EPB41L4A: variants seen among roughly 807,000 people sequenced by gnomAD.
EPB41L4A encodes band 4.1-like protein 4A.
In EPB41L4A, 100 loss-of-function variants were observed where a neutral mutation model predicts 108.6. That is an observed-to-expected ratio of 0.92 (90% CI 0.78 to 1.09). The LOEUF is 1.09. EPB41L4A is among the 50% of genes least tolerant of loss of function. The pLI is 0.00. For missense variants in EPB41L4A, 1,030 were observed against 842.7 expected (o/e 1.22, Z -2.75); for synonymous variants, 319 against 289.0 (o/e 1.10, Z -1.05).
chr5:112,398,993 C>A (rs1761562375), intron 1 of EPB41L4A, among the ~76,000 whole-genome samples: 1 of 151,554 alleles, frequency 6.6e-6, no homozygotes, highest in African/African-American at 2.4e-5. Flanking sequence ...GAGAAGTTAG[C>A]CCCATGTTAA....
chr5:112,156,447 G>C (rs185111550), intron 12 of EPB41L4A, among the ~76,000 whole-genome samples: 2 of 152,050 alleles, frequency 1.3e-5, no homozygotes, highest in Non-Finnish European at 2.9e-5. Flanking sequence ...GAAGATTAAC[G>C]TTCCAGCTGA....
intron 1 of EPB41L4A, among the ~76,000 whole-genome samples, chr5:112,384,700 G>A (rs2112626816): frequency 6.6e-6 from 1 of 150,946 alleles, no homozygotes; most frequent in African/African-American, 2.4e-5. Flanking sequence ...AGGAAGGAAG[G>A]AAGGAAGGGA....
Position 112,378,191 on chromosome 5 carries a change from C to T in EPB41L4A, c.99+40750G>A, listed in dbSNP as rs990476559. On this transcript the variant is annotated intron_variant, in intron 1 of 22. Coordinates refer to ENST00000261486, the MANE Select transcript of EPB41L4A (RefSeq NM_022140.5). ...AAAATTCACAATCTATCCTGATACTCCTGGTATTTCCCAGCCTCTGTCAGG... is the reference window on the plus strand; with the variant it reads ...AAAATTCACAATCTATCCTGATACTTCTGGTATTTCCCAGCCTCTGTCAGG... Among the ~76,000 whole-genome samples, 4 of 151,404 alleles carry T rather than the reference C, an allele frequency of 2.6e-5. No homozygotes were observed. The East Asian group carries it at 5.8e-4, about 22-fold the overall frequency.
chr5:112,390,332 C>T (rs1188712806), intron 1 of EPB41L4A, among the ~76,000 whole-genome samples: 1 of 152,214 alleles, frequency 6.6e-6, no homozygotes, highest in Non-Finnish European at 1.5e-5. Context: ...AAAATGAGGA[C>T]ACTGCCACCC....
chr5:112,354,340 A>T (rs1327577513), intron 1 of EPB41L4A, among the ~76,000 whole-genome samples: 1 of 152,216 alleles, frequency 6.6e-6, no homozygotes, highest in Non-Finnish European at 1.5e-5. Flanking sequence ...AGAAGTCAAA[A>T]ATTAACAAAG....
intron 1 of EPB41L4A, among the ~76,000 whole-genome samples, chr5:112,326,469 TA>T (rs35211420): frequency 0.11 from 16,517 of 152,150 alleles, 1,231 homozygotes; most frequent in East Asian, 0.36. Flanking sequence ...ATAATTTTAG[TA>T]AAAAACACTT....
chr5:112,274,502 G>C (rs1752486560), intron 4 of EPB41L4A, among the ~76,000 whole-genome samples: 1 of 152,088 alleles, frequency 6.6e-6, no homozygotes, highest in Admixed American at 6.6e-5. Context: ...GAAAGTCTGA[G>C]ACAGATGAAA....
chr5:112,196,943 C>T (rs964249690), intron 15 of EPB41L4A: 18 of 152,172 alleles, frequency 1.2e-4, no homozygotes, highest in African/African-American at 4.3e-4. Context: ...AAAAAGCAGC[C>T]TCCAGATGTA....
intron 1 of EPB41L4A, among the ~76,000 whole-genome samples, chr5:112,365,888 T>C (rs1174867169): frequency 6.6e-6 from 1 of 152,198 alleles, no homozygotes; most frequent in African/African-American, 2.4e-5. Context: ...AACATCGGAT[T>C]TCAAAATGAT....
chr5:112,312,385 T>C (rs1473777169), intron 1 of EPB41L4A, among the ~76,000 whole-genome samples: 1 of 152,222 alleles, frequency 6.6e-6, no homozygotes, highest in Admixed American at 6.5e-5. Flanking sequence ...GCATCTTTTG[T>C]TACCCTCTAC....
chr5:112,336,942 T>C (rs945273398), intron 1 of EPB41L4A, among the ~76,000 whole-genome samples: 8 of 152,198 alleles, frequency 5.3e-5, no homozygotes, highest in East Asian at 3.8e-4. Flanking sequence ...TTCATATACC[T>C]TGCTCATAAG....
chr5:112,247,605 T>C (rs1034807188), intron 9 of EPB41L4A, among the ~76,000 whole-genome samples: 3 of 152,140 alleles, frequency 2.0e-5, no homozygotes, highest in African/African-American at 7.2e-5. Context: ...AATAAAAATA[T>C]CAAAACTTAT....
At position 112,261,503 on chromosome 5, in the gene EPB41L4A, C is replaced by G. The variant is rs1032713770; in HGVS notation, c.642+991G>C. On this transcript the variant is annotated intron_variant, in intron 7 of 22. Coordinates refer to ENST00000261486, the MANE Select transcript of EPB41L4A (RefSeq NM_022140.5). ...CAAATAAAATTTAACTATTGCTATCCACATTCCTCTTAATTCAAAGGCAAA... is the reference window on the plus strand; with the variant it reads ...CAAATAAAATTTAACTATTGCTATCGACATTCCTCTTAATTCAAAGGCAAA... 2.6e-5 allele frequency among the ~76,000 whole-genome samples: 4 copies of G among 152,092 alleles called. No individual in the cohort carries two copies. The East Asian group carries it at 7.7e-4, about 29-fold the overall frequency.
chr5:112,415,306 G>A (rs189115132), intron 1 of EPB41L4A, among the ~76,000 whole-genome samples: 1,833 of 152,124 alleles, frequency 0.012, 26 homozygotes, highest in South Asian at 0.038. Context: ...TTAACTGGGC[G>A]AAATGTATGG....
chr5:112,384,811 G>GTT (rs1393089427), intron 1 of EPB41L4A, among the ~76,000 whole-genome samples: 13 of 150,666 alleles, frequency 8.6e-5, no homozygotes, highest in African/African-American at 3.0e-4. Context: ...GAAGTTAAAA[G>GTT]AAAAGAAAAG....
chr5:112,169,203 T>C lies in EPB41L4A; in HGVS notation c.1740-98A>G, dbSNP rs1455569862. Reference sequence around the variant, plus strand: ...TGAAACCGCAAAAGAATAACAACTTTCAGAGTTTTAAAAAGAACTTGACTC... The same window carrying C: ...TGAAACCGCAAAAGAATAACAACTTCCAGAGTTTTAAAAAGAACTTGACTC... On this transcript the variant is annotated intron_variant, in intron 20 of 22. Transcript: ENST00000261486. The C allele has an allele frequency of 8.9e-5, 77 of 868,210 alleles. No individual in the cohort carries two copies. In the East Asian group the frequency reaches 1.8e-3, roughly 21 times the overall value. 53.8% of individuals were successfully genotyped at this position (868,210 alleles called of 1,614,324 possible).
At chr5:112,183,420 G>A (rs1046013429) in intron 18 of EPB41L4A, 4 of 152,756 alleles carry the variant, frequency 2.6e-5, no homozygotes, top group African/African-American at 9.7e-5. Flanking sequence ...TCTAAATCTT[G>A]ATAATGCACA....
intron 1 of EPB41L4A, among the ~76,000 whole-genome samples, chr5:112,393,950 A>C (rs1011611837): frequency 7.2e-5 from 11 of 152,334 alleles, no homozygotes; most frequent in African/African-American, 2.4e-4. Flanking sequence ...CAAATCAATA[A>C]ATGTAATCCA....
At chr5:112,148,744 C>T (rs1759358307) in intron 12 of EPB41L4A, among the ~76,000 whole-genome samples, 1 of 152,102 alleles carries the variant, frequency 6.6e-6, no homozygotes, top group South Asian at 2.1e-4. Flanking sequence ...AATTTTTAAA[C>T]TACATAGACA....
Sources: gnomAD v4.1 joint callset for allele counts (sites outside exome capture counted in the v4.1 genomes callset) on GRCh38, gnomAD v4.1.1 for gene constraint, MANE v1.5 for transcripts, NCBI Gene and HGNC (gene_info 2026-07-23, HGNC 2026-07-21) for gene names.